Variants in NPAS3 observed in about 807,000 individuals in gnomAD.
NPAS3 encodes neuronal PAS domain protein 3.
NPAS3 carries 14 observed loss-of-function variants against 73.1 expected under a neutral mutation model. The ratio of observed to expected loss-of-function variants is 0.19; its 90% confidence interval spans 0.13 to 0.30. NPAS3 has a LOEUF of 0.30. Ranked by LOEUF, NPAS3 falls within the 10% of genes least tolerant of loss-of-function variation. NPAS3 has a pLI of 1.00. For synonymous variants in NPAS3, 620 were observed against 541.5 expected (o/e 1.14, Z -2.01); for missense variants, 1,096 against 1,250.0 (o/e 0.88, Z 1.86).
chr14:33,504,555 C>T (rs1308655431), intron 4 of NPAS3, among the ~76,000 whole-genome samples: 1 of 151,794 alleles, frequency 6.6e-6, no homozygotes, highest in Non-Finnish European at 1.5e-5. Flanking sequence ...AGGTAACAGC[C>T]CTTTTGCAGT....
At chr14:33,628,780 C>T (rs1314236234) in intron 5 of NPAS3, among the ~76,000 whole-genome samples, 2 of 152,188 alleles carry the variant, frequency 1.3e-5, no homozygotes, top group South Asian at 2.1e-4. Flanking sequence ...TAAGCCTGGG[C>T]TCCTGGGTAT....
At chr14:33,710,712 C>T (rs1188224084) in intron 6 of NPAS3, among the ~76,000 whole-genome samples, 1 of 152,178 alleles carries the variant, frequency 6.6e-6, no homozygotes, top group Admixed American at 6.5e-5. Flanking sequence ...GTGCTATAGG[C>T]TGAGTGTCCC....
At chr14:33,310,380 A>C (rs1249848586) in intron 3 of NPAS3, among the ~76,000 whole-genome samples, 1 of 152,176 alleles carries the variant, frequency 6.6e-6, no homozygotes, top group Non-Finnish European at 1.5e-5. Flanking sequence ...TATTTCCAGA[A>C]AATTACTGGG....
chr14:33,574,320 G>A (rs1196469791), intron 5 of NPAS3, among the ~76,000 whole-genome samples: 1 of 152,116 alleles, frequency 6.6e-6, no homozygotes, highest in Non-Finnish European at 1.5e-5. Flanking sequence ...GAGGAACCCT[G>A]AGAAGTTGTC....
At chr14:33,207,968 A>ATT (rs71118532) in intron 2 of NPAS3, among the ~76,000 whole-genome samples, 3 of 151,696 alleles carry the variant, frequency 2.0e-5, no homozygotes, top group South Asian at 2.1e-4. Context: ...TTAATTGATA[A>ATT]TTTTTTTTTG....
Position 33,150,955 on chromosome 14 carries a change from G to A in NPAS3, c.141-64227G>A, listed in dbSNP as rs75382376. 5.0e-3 allele frequency among the ~76,000 whole-genome samples: 761 copies of A among 152,190 alleles called. 3 individuals are homozygous for A. The highest frequency in any genetic ancestry group is 0.017 in the African/African-American group (707 of 41,532). ...ATAGCCTCTATATCCTATTGATTGCGGTACCACTTCTTGATTTGTTTTTAA... is the reference window on the plus strand; with the variant it reads ...ATAGCCTCTATATCCTATTGATTGCAGTACCACTTCTTGATTTGTTTTTAA... On this transcript the variant is annotated intron_variant, in intron 2 of 11. Coordinates refer to ENST00000356141, the Ensembl canonical transcript of NPAS3.
chr14:33,548,163 G>A (rs184634373), intron 4 of NPAS3, among the ~76,000 whole-genome samples: 33 of 152,298 alleles, frequency 2.2e-4, no homozygotes, highest in Non-Finnish European at 4.9e-4. Flanking sequence ...CTAAGTAAGA[G>A]GTGACAGCTG....
At chr14:33,117,968 T>C (rs542885233) in intron 2 of NPAS3, among the ~76,000 whole-genome samples, 108 of 152,214 alleles carry the variant, frequency 7.1e-4, no homozygotes, top group African/African-American at 2.5e-3. Flanking sequence ...AAATAGATAA[T>C]AGTTATAATT....
At chr14:33,001,717 C>T (rs115751096) in intron 1 of NPAS3, among the ~76,000 whole-genome samples, 154 of 152,264 alleles carry the variant, frequency 1.0e-3, no homozygotes, top group African/African-American at 3.6e-3. Context: ...GACCTTATCT[C>T]CTAATGATGG....
chr14:33,002,024 AC>A (rs2139574526), intron 1 of NPAS3, among the ~76,000 whole-genome samples: 1 of 152,312 alleles, frequency 6.6e-6, no homozygotes, highest in South Asian at 2.1e-4. Context: ...ATTATTTTGT[AC>A]ATTTCTGGAG....
chr14:33,444,448 T>G (rs1348773757), intron 4 of NPAS3, among the ~76,000 whole-genome samples: 1 of 152,202 alleles, frequency 6.6e-6, no homozygotes, highest in Non-Finnish European at 1.5e-5. Context: ...GACATTGAGT[T>G]GAGGTAGAAG....
intron 6 of NPAS3, chr14:33,680,530 A>G (rs1279572633): frequency 1.4e-6 from 1 of 695,192 alleles, no homozygotes; most frequent in African/African-American, 1.8e-5. Context: ...TAAGATTGTA[A>G]TGCATATACT....
chr14:33,293,223 C>T (rs571156199), intron 3 of NPAS3, among the ~76,000 whole-genome samples: 16 of 152,150 alleles, frequency 1.1e-4, no homozygotes, highest in South Asian at 6.2e-4. Flanking sequence ...GAAAAGAAAA[C>T]TGGAGTCGAA....
intron 4 of NPAS3, among the ~76,000 whole-genome samples, chr14:33,538,067 C>G (rs189873019): frequency 6.6e-6 from 1 of 152,154 alleles, no homozygotes; most frequent in Non-Finnish European, 1.5e-5. Context: ...CATTGGAACA[C>G]GAATTAATGA....
At chr14:33,477,457 T>C (rs368482676) in intron 4 of NPAS3, among the ~76,000 whole-genome samples, 1 of 152,114 alleles carries the variant, frequency 6.6e-6, no homozygotes, top group African/African-American at 2.4e-5. Flanking sequence ...AACGTGATCA[T>C]GTGCCCAACA....
chr14:33,476,234 TA>T (rs2051030822), intron 4 of NPAS3, among the ~76,000 whole-genome samples: 1 of 152,224 alleles, frequency 6.6e-6, no homozygotes. Context: ...TGCATAAAAA[TA>T]TGTTTTTGAC....
At chr14:33,393,673 G>T (rs565700321) in intron 4 of NPAS3, among the ~76,000 whole-genome samples, 1 of 152,098 alleles carries the variant, frequency 6.6e-6, no homozygotes, top group Non-Finnish European at 1.5e-5. Context: ...CAAAAGAAGG[G>T]CCCCTTGCTT....
At chr14:33,195,190 T>C (rs1481085248) in intron 2 of NPAS3, among the ~76,000 whole-genome samples, 1 of 151,412 alleles carries the variant, frequency 6.6e-6, no homozygotes, top group African/African-American at 2.4e-5. Context: ...ACTTAAAAAA[T>C]GCAAGCTTTG....
chr14:33,541,124 T>TGTGTGTGTGTGTGC (rs1566985364), intron 4 of NPAS3, among the ~76,000 whole-genome samples: 72 of 150,980 alleles, frequency 4.8e-4, no homozygotes, highest in African/African-American at 1.7e-3. Flanking sequence ...TGTGTGTGTG[T>TGTGTGTGTGTGTGC]GTGCATGCAC....
Sources: gnomAD v4.1 joint callset for allele counts (sites outside exome capture counted in the v4.1 genomes callset) on GRCh38, gnomAD v4.1.1 for gene constraint, MANE v1.5 for transcripts, NCBI Gene and HGNC (gene_info 2026-07-23, HGNC 2026-07-21) for gene names.